Variants in MAGI1 observed in about 807,000 individuals in gnomAD.
The protein encoded by MAGI1 is membrane-associated guanylate kinase, WW and PDZ domain-containing protein 1.
Under a neutral mutation model 139.9 loss-of-function variants are expected in MAGI1, and 58 were observed. The observed-to-expected ratio is 0.41, with a 90% CI of 0.34 to 0.52. The LOEUF is 0.52. Ranked by LOEUF, MAGI1 falls within the 20% of genes least tolerant of loss-of-function variation. The pLI, the probability that MAGI1 is intolerant of heterozygous loss-of-function variation, is 0.12. For synonymous variants in MAGI1, 812 were observed against 737.9 expected, an observed-to-expected ratio of 1.10 and a Z score of -1.63; for missense variants, 1,874 against 1,901.6, an observed-to-expected ratio of 0.99 and a Z score of 0.27.
intron 6 of MAGI1, among the ~76,000 whole-genome samples, chr3:65,448,872 A>G (rs1948841092): frequency 6.6e-6 from 1 of 152,084 alleles, no homozygotes; most frequent in African/African-American, 2.4e-5. Flanking sequence ...AGAAGAAAAC[A>G]TGGGAGAACA....
At chr3:65,499,078 A>C in intron 2 of MAGI1, 4 of 961,624 alleles carry the variant, frequency 4.2e-6, no homozygotes, top group Non-Finnish European at 4.9e-6. Flanking sequence ...AAAAAACAAA[A>C]AACTCTCATA....
chr3:65,440,876 T>C lies in MAGI1; in HGVS notation c.1137-864A>G, dbSNP rs147705989. On this transcript the variant is annotated intron_variant, in intron 8 of 22. Transcript: ENST00000402939. ...GTATACATATATATGTATACACATA[T>C]ATGTACATATATATGGTACATATGT... Among the ~76,000 whole-genome samples, 1,029 of 149,340 alleles carry C rather than the reference T, an allele frequency of 6.9e-3. 6 individuals carry two copies. Among genetic ancestry groups the C allele is most frequent in the Middle Eastern group, 0.038 (11 of 286 alleles).
At chr3:65,496,208 A>ATTTT (rs34556532) in intron 2 of MAGI1, among the ~76,000 whole-genome samples, 2 of 146,838 alleles carry the variant, frequency 1.4e-5, no homozygotes, top group Admixed American at 6.8e-5. Flanking sequence ...CACCCAGCTA[A>ATTTT]TTTTTTTTTT....
At chr3:65,484,672 G>A (rs914516657) in intron 3 of MAGI1, among the ~76,000 whole-genome samples, 1 of 151,950 alleles carries the variant, frequency 6.6e-6, no homozygotes, top group African/African-American at 2.4e-5. Flanking sequence ...CTCACTGGTT[G>A]CCTTTCAGCC....
chr3:65,681,976 C>T (rs1418796172), intron 1 of MAGI1, among the ~76,000 whole-genome samples: 1 of 152,110 alleles, frequency 6.6e-6, no homozygotes, highest in African/African-American at 2.4e-5. Flanking sequence ...GCTAGGATTA[C>T]ACACACATGC....
At chr3:65,477,272 G>T (rs889429605) in intron 4 of MAGI1, among the ~76,000 whole-genome samples, 1 of 152,066 alleles carries the variant, frequency 6.6e-6, no homozygotes, top group African/African-American at 2.4e-5. Flanking sequence ...CCTAAGTGAG[G>T]CCCATACAGG....
rs763184341 is a variant in MAGI1 at position 65,843,241 on chromosome 3, A to G, written c.313+194755T>C. Among the ~76,000 whole-genome samples the G allele has an allele frequency of 4.6e-4, 70 of 152,268 alleles. 1 individual carries two copies. The highest frequency in any genetic ancestry group is 2.3e-3 in the Admixed American group (35 of 15,298). ...TTTTTCCTAGAAGGATCCACATGCC[A>G]TATTATGTGGCAGCCCTGTCAAGAG... On this transcript the variant is annotated intron_variant, in intron 1 of 22. Coordinates refer to ENST00000402939, the MANE Select transcript of MAGI1 (RefSeq NM_001033057.2).
At chr3:65,798,327 AC>A (rs1243719911) in intron 1 of MAGI1, among the ~76,000 whole-genome samples, 23 of 152,034 alleles carry the variant, frequency 1.5e-4, no homozygotes, top group South Asian at 8.3e-4. Flanking sequence ...AAACAAACAA[AC>A]AAACAAACAC....
At chr3:65,727,614 T>C (rs1373469210) in intron 1 of MAGI1, among the ~76,000 whole-genome samples, 2 of 152,202 alleles carry the variant, frequency 1.3e-5, no homozygotes, top group Non-Finnish European at 2.9e-5. Flanking sequence ...GTGAGTAATA[T>C]ATGTGAATGG....
chr3:65,500,661 C>G (rs2077045198), intron 2 of MAGI1, among the ~76,000 whole-genome samples: 1 of 152,220 alleles, frequency 6.6e-6, no homozygotes, highest in African/African-American at 2.4e-5. Context: ...CCATTTCCCA[C>G]TGCTTCACCT....
intron 1 of MAGI1, among the ~76,000 whole-genome samples, chr3:65,910,857 T>TTTTTTTTTTTTG (rs1560004043): frequency 9.5e-6 from 1 of 105,438 alleles, no homozygotes; most frequent in African/African-American, 3.9e-5. Flanking sequence ...ATGGTGGACT[T>TTTTTTTTTTTTG]TTTTTTTTTT....
intron 1 of MAGI1, among the ~76,000 whole-genome samples, chr3:65,910,855 CTTTTTTTTT>C (rs397989928): frequency 1.7e-5 from 1 of 59,484 alleles, no homozygotes. Context: ...ACATGGTGGA[CTTTTTTTTT>C]TTTTTTTTTT....
intron 6 of MAGI1, among the ~76,000 whole-genome samples, chr3:65,448,678 G>A (rs1342938792): frequency 7.6e-6 from 1 of 131,254 alleles, no homozygotes; most frequent in Non-Finnish European, 1.6e-5. Context: ...GCATTTAACT[G>A]GTTTTGTGAG....
intron 22 of MAGI1, chr3:65,360,796 A>T: frequency 1.9e-6 from 2 of 1,027,118 alleles, no homozygotes; most frequent in Non-Finnish European, 2.3e-6. Flanking sequence ...AAAAGGAAAA[A>T]ATAATTGTGC....
chr3:65,425,983 C>T (rs1947015727), intron 12 of MAGI1, among the ~76,000 whole-genome samples: 1 of 152,176 alleles, frequency 6.6e-6, no homozygotes, highest in South Asian at 2.1e-4. Flanking sequence ...TGTCAGGTGA[C>T]AGGATTTCTG....
chr3:65,721,130 G>C (rs2032965097), intron 1 of MAGI1, among the ~76,000 whole-genome samples: 1 of 152,138 alleles, frequency 6.6e-6, no homozygotes. Context: ...GAGTTCCAGA[G>C]GTAGTGAGAC....
chr3:65,594,801 T>C (rs546272486), intron 2 of MAGI1, among the ~76,000 whole-genome samples: 1 of 152,226 alleles, frequency 6.6e-6, no homozygotes, highest in Admixed American at 6.5e-5. Flanking sequence ...TGGGGGGGTG[T>C]CTTTTGATTT....
At chr3:65,393,252 C>T (rs1159935681) in intron 13 of MAGI1, among the ~76,000 whole-genome samples, 3 of 152,030 alleles carry the variant, frequency 2.0e-5, no homozygotes, top group African/African-American at 7.2e-5. Context: ...GGGACAGTTG[C>T]TTTTTTTCCC....
chr3:65,736,899 T>C (rs936014683), intron 1 of MAGI1, among the ~76,000 whole-genome samples: 1 of 152,082 alleles, frequency 6.6e-6, no homozygotes, highest in Admixed American at 6.6e-5. Context: ...AAATTAACCA[T>C]CTCACTATTA....
Sources: gnomAD v4.1 joint callset for allele counts (sites outside exome capture counted in the v4.1 genomes callset) on GRCh38, gnomAD v4.1.1 for gene constraint, MANE v1.5 for transcripts, NCBI Gene and HGNC (gene_info 2026-07-23, HGNC 2026-07-21) for gene names.